GDAP1: variants seen among roughly 807,000 people sequenced by gnomAD.
GDAP1 encodes ganglioside induced differentiation associated protein 1, also known as ganglioside-induced differentiation-associated protein 1.
In GDAP1, 34 loss-of-function variants were observed where a neutral mutation model predicts 40.1. That is an observed-to-expected ratio of 0.85 (90% CI 0.64 to 1.13). The LOEUF is 1.13. Ranked by LOEUF, GDAP1 falls within the 50% of genes most tolerant of loss-of-function variation. The probability of loss-of-function intolerance (pLI) is 0.00; values close to 1 mark genes in which losing one functional copy is unlikely to be tolerated. For synonymous variants in GDAP1, 170 were observed against 157.4 expected (o/e 1.08, Z -0.60); for missense variants, 374 against 433.7 (o/e 0.86, Z 1.22).
chr8:74,458,291 T>C (rs890965146), intron 2 of GDAP1, among the ~76,000 whole-genome samples: 3 of 152,004 alleles, frequency 2.0e-5, no homozygotes, highest in African/African-American at 7.2e-5. Flanking sequence ...CAAGGAAATA[T>C]TAATTTTCTT....
At chr8:74,350,695 G>C (rs1773578443) in intron 1 of GDAP1, 117 bp downstream of exon 1, 2 of 784,492 alleles carry the variant, frequency 2.5e-6, no homozygotes, top group Admixed American at 3.6e-5. Flanking sequence ...CCAGTGTCCT[G>C]ACCCCGGGCA....
chr8:74,371,493 T>C (rs888478101), downstream of GDAP1, among the ~76,000 whole-genome samples: 1 of 151,832 alleles, frequency 6.6e-6, no homozygotes, highest in Non-Finnish European at 1.5e-5. Context: ...ACCCCGTCTC[T>C]ACTAAAAATA....
rs775246616 is a variant in GDAP1, at chr8:74,365,680, A to G, written c.*1313A>G. The G allele has an allele frequency of 2.2e-6, 1 of 454,416 alleles. No individual in the cohort carries two copies. Among genetic ancestry groups the G allele is most frequent in the Non-Finnish European group, 4.4e-6 (1 of 226,782 alleles). The allele number at this position is 454,416 out of a possible 1,614,324, so 28.1% of individuals were successfully genotyped here. ...ATAGGAAAGTCATACCTAGGAAACAATGACTTTTTGATGGCAAAATGATTT... is the reference window on the plus strand; with the variant it reads ...ATAGGAAAGTCATACCTAGGAAACAGTGACTTTTTGATGGCAAAATGATTT... On this transcript the variant is annotated 3_prime_UTR_variant, in exon 6 of 6. Transcript: ENST00000220822.
At chr8:74,381,044 A>G (rs2131537353) in intron 2 of GDAP1, among the ~76,000 whole-genome samples, 1 of 151,196 alleles carries the variant, frequency 6.6e-6, no homozygotes, top group African/African-American at 2.4e-5. Context: ...GGGATTACCA[A>G]GGGGGATGAA....
At chr8:74,362,364 CCTT>C (rs1473025559) in intron 4 of GDAP1, among the ~76,000 whole-genome samples, 1 of 152,122 alleles carries the variant, frequency 6.6e-6, no homozygotes, top group Non-Finnish European at 1.5e-5. Flanking sequence ...CAGCCTTTCT[CCTT>C]CTGTTGATTC....
At chr8:74,445,765 AT>A (rs33930336) in intron 2 of GDAP1, among the ~76,000 whole-genome samples, 4,339 of 152,308 alleles carry the variant, frequency 0.028, 93 homozygotes, top group Middle Eastern at 0.048. Context: ...AAAAGATATC[AT>A]TTGATATAAC....
intron 2 of GDAP1, among the ~76,000 whole-genome samples, chr8:74,484,575 C>T (rs1806752071): frequency 6.6e-6 from 1 of 152,186 alleles, no homozygotes; most frequent in African/African-American, 2.4e-5. Flanking sequence ...TAAAATTAGC[C>T]TCAATCATCA....
chr8:74,350,620 T>C (rs1201839476), intron 1 of GDAP1, 42 bp downstream of exon 1: 4 of 1,211,152 alleles, frequency 3.3e-6, no homozygotes, highest in Admixed American at 1.7e-5. Context: ...CGGATCGGGC[T>C]TCAGCACTGG....
intron 2 of GDAP1, among the ~76,000 whole-genome samples, chr8:74,422,493 CTCCTTCCTTCCTTCCTTCCT>C (rs67444628): frequency 2.3e-4 from 24 of 104,824 alleles, no homozygotes; most frequent in African/African-American, 3.8e-4. Context: ...TCCCTCCTTT[CTCCTTCCTTCCTTCCTTCCT>C]TCCTTCCTTC....
intron 2 of GDAP1, among the ~76,000 whole-genome samples, chr8:74,394,359 A>G (rs951789799): frequency 2.0e-5 from 3 of 152,352 alleles, no homozygotes; most frequent in African/African-American, 2.4e-5. Context: ...GTGGGGGCAC[A>G]GCCAAACCAT....
chr8:74,434,971 A>G (rs1221977386), intron 2 of GDAP1, among the ~76,000 whole-genome samples: 1 of 152,158 alleles, frequency 6.6e-6, no homozygotes, highest in Non-Finnish European at 1.5e-5. Flanking sequence ...CTGTTTTTAC[A>G]TTTTAGCTCA....
rs536549913 is a variant in GDAP1 at position 74,405,843 on chromosome 8, T to C, written c.165+54522T>C. ...AAAATCTGTCCAAAGGAGTAGAATT[T>C]CAATATTTCAGCATTGGAGGCCAGT... On this transcript the variant is annotated intron_variant, in intron 2 of 2. Coordinates refer to the GDAP1 transcript ENST00000523640. Among the ~76,000 whole-genome samples the C allele has an allele frequency of 1.2e-3, 183 of 149,804 alleles. 14 individuals carry two copies. In the Middle Eastern group the frequency reaches 0.014, roughly 11 times the overall value.
intron 2 of GDAP1, among the ~76,000 whole-genome samples, chr8:74,419,482 A>T (rs925174551): frequency 4.6e-5 from 7 of 152,136 alleles, no homozygotes; most frequent in Non-Finnish European, 1.0e-4. Flanking sequence ...TGGAGAACAT[A>T]TTCGGGTTTG....
At chr8:74,417,153 T>G (rs571883239) in intron 2 of GDAP1, among the ~76,000 whole-genome samples, 1 of 149,256 alleles carries the variant, frequency 6.7e-6, no homozygotes, top group South Asian at 2.1e-4. Flanking sequence ...AAGAAGAAAA[T>G]CCACATAACC....
At chr8:74,387,147 C>G (rs117087261) in intron 2 of GDAP1, among the ~76,000 whole-genome samples, 1 of 152,212 alleles carries the variant, frequency 6.6e-6, no homozygotes, top group Non-Finnish European at 1.5e-5. Flanking sequence ...TCTACTTTCT[C>G]TCTCCCTATT....
At chr8:74,461,689 A>G (rs1339094034) in intron 2 of GDAP1, among the ~76,000 whole-genome samples, 1 of 152,198 alleles carries the variant, frequency 6.6e-6, no homozygotes, top group Non-Finnish European at 1.5e-5. Context: ...ATAGATTCTG[A>G]TTATGCTCTC....
At chr8:74,409,161 A>C (rs1221571649) in intron 2 of GDAP1, among the ~76,000 whole-genome samples, 1 of 150,084 alleles carries the variant, frequency 6.7e-6, no homozygotes, top group Non-Finnish European at 1.5e-5. Context: ...CTGGAAGCAG[A>C]TATGATTAGT....
At chr8:74,482,038 G>A (rs1226311479) in intron 2 of GDAP1, among the ~76,000 whole-genome samples, 1 of 150,098 alleles carries the variant, frequency 6.7e-6, no homozygotes, top group Non-Finnish European at 1.5e-5. Flanking sequence ...GGGGATAAAG[G>A]AGCAGTACGG....
chr8:74,350,429 A>C lies in GDAP1; in HGVS notation c.-33A>C, dbSNP rs1423898932. 7.5e-7 allele frequency: 1 copy of C among 1,340,486 alleles called. No homozygotes were observed. The highest frequency in any genetic ancestry group is 1.1e-6 in the Non-Finnish European group (1 of 934,502). 83.0% of individuals were successfully genotyped at this position (1,340,486 alleles called of 1,614,324 possible). On this transcript the variant is annotated 5_prime_UTR_variant, in exon 1 of 6. Coordinates refer to ENST00000220822, the MANE Select transcript of GDAP1 (RefSeq NM_018972.4). ...TGGGAGGGAGAAGTCCAGGGCGGACAGGCTGGGCGCACCCGTGCTCGCGCA... is the reference window on the plus strand; with the variant it reads ...TGGGAGGGAGAAGTCCAGGGCGGACCGGCTGGGCGCACCCGTGCTCGCGCA...
Sources: allele counts gnomAD v4.1 joint callset (sites outside exome capture counted in the v4.1 genomes callset), GRCh38; gene constraint gnomAD v4.1.1; transcripts MANE v1.5; gene names NCBI Gene and HGNC (gene_info 2026-07-23, HGNC 2026-07-21).